The following JPH3 variants were observed in gnomAD, a reference collection of about 807,000 sequenced individuals.
The protein encoded by JPH3 is junctophilin 3, also known as junctophilin-3.
JPH3 carries 11 observed loss-of-function variants against 59.6 expected under a neutral mutation model. The ratio of observed to expected loss-of-function variants is 0.18; its 90% CI spans 0.12 to 0.31. The LOEUF is 0.31. JPH3 is among the 10% of genes least tolerant of loss of function. The pLI, the probability that JPH3 is intolerant of heterozygous loss-of-function variation, is 1.00. For synonymous variants in JPH3, 673 were observed against 483.6 expected (o/e 1.39, Z -5.14); for missense variants, 1,202 against 1,105.7 (o/e 1.09, Z -1.24).
chr16:87,622,102 G>C (rs115334381), intron 1 of JPH3, among the ~76,000 whole-genome samples: 1 of 151,206 alleles, frequency 6.6e-6, no homozygotes, highest in Non-Finnish European at 1.5e-5. Context: ...CAGGTGTCAG[G>C]GGGGGGCCCC....
At chr16:87,625,299 C>T (rs1597243114) in intron 1 of JPH3, among the ~76,000 whole-genome samples, 1 of 152,132 alleles carries the variant, frequency 6.6e-6, no homozygotes, top group African/African-American at 2.4e-5. Flanking sequence ...AGCACACAGT[C>T]GGTGCTGGGC....
At chr16:87,665,113 G>C (rs1051288918) in intron 2 of JPH3, among the ~76,000 whole-genome samples, 1 of 152,130 alleles carries the variant, frequency 6.6e-6, no homozygotes, top group South Asian at 2.1e-4. Context: ...TCCAGGGAGG[G>C]AGGTCATGAG....
At chr16:87,629,074 G>C (rs193194705) in intron 1 of JPH3, among the ~76,000 whole-genome samples, 42 of 152,090 alleles carry the variant, frequency 2.8e-4, no homozygotes, top group Admixed American at 1.3e-4. Flanking sequence ...CTGTGGGGGG[G>C]GCCCAGGTCT....
chr16:87,670,426 A>T (rs1023295061), intron 2 of JPH3, among the ~76,000 whole-genome samples: 3 of 152,088 alleles, frequency 2.0e-5, no homozygotes, highest in African/African-American at 7.2e-5. Context: ...TGGACTTGCC[A>T]CCGATTATTC....
In JPH3 at chr16:87,690,494, G is replaced by A. The variant is rs748839170; in HGVS notation, c.2134G>A (p.Glu712Lys). Residue 712 changes from glutamate to lysine, a missense_variant, in exon 4 of 5, where the codon GAG (glutamate) becomes AAG (lysine). By Grantham distance (56) the Glu-to-Lys change is moderately conservative. Transcript: ENST00000284262. The stretch of plus-strand genomic sequence containing the variant: ...CTTGCCTGTCGCTCTAGAGTCCGAC[G>A]AGGAGAATGGGGATGAGCTCAAGTC... Reference protein sequence around the residue: ...KSLPVALESDEENGDELKSST... With the variant: ...KSLPVALESDKENGDELKSST... 14 of 1,485,464 alleles carry A rather than the reference G, an allele frequency of 9.4e-6. No homozygotes were observed. The Admixed American group carries it at 2.7e-4, about 29-fold the overall frequency. The allele number at this position is 1,485,464 out of a possible 1,614,324, so 92.0% of individuals were successfully genotyped here.
At chr16:87,614,881 CGCGCGTCCCCTCCCGGG>C (rs2030894091) in intron 1 of JPH3, among the ~76,000 whole-genome samples, 6 of 112,858 alleles carry the variant, frequency 5.3e-5, no homozygotes, top group African/African-American at 1.4e-4. Context: ...CACGAGGAGC[CGCGCGTCCCCTCCCGGG>C]ATAAACGCTG....
At chr16:87,659,387 GA>G (rs751075403) in intron 2 of JPH3, among the ~76,000 whole-genome samples, 6 of 68,596 alleles carry the variant, frequency 8.7e-5, no homozygotes, top group Non-Finnish European at 8.9e-5. Context: ...AAAAAAAAAA[GA>G]AAAAAAAAAA....
chr16:87,604,414 C>G (rs1241319019), intron 1 of JPH3: 10 of 1,408,176 alleles, frequency 7.1e-6, no homozygotes, highest in Admixed American at 6.4e-5. Flanking sequence ...CCTCAGTGCA[C>G]CTGACACGCA....
Position 87,690,097 on chromosome 16 carries a change from C to T in JPH3, c.1737C>T (p.Pro579=), listed in dbSNP as rs1238029036. ...PKPRERRTES[P]PVFTWTSHHR... is the part of the protein sequence containing the mutation. ...CGCGGGAGCGGCGGACGGAGTCACC[C>T]CCCGTGTTCACGTGGACTTCCCACC... Residue 579 remains proline (P), a synonymous_variant, in exon 4 of 5, where the codon CCC becomes CCT. Coordinates refer to ENST00000284262, the MANE Select transcript of JPH3 (RefSeq NM_020655.4). 3 of 1,574,018 alleles carry T rather than the reference C, an allele frequency of 1.9e-6. No homozygotes were observed. The highest frequency in any genetic ancestry group is 3.6e-5 in the Admixed American group (2 of 55,786).
intron 1 of JPH3, among the ~76,000 whole-genome samples, chr16:87,608,688 C>G (rs1271703427): frequency 6.6e-6 from 1 of 152,220 alleles, no homozygotes; most frequent in African/African-American, 2.4e-5. Context: ...AACCATCTCT[C>G]CTTGCCAGTG....
intron 2 of JPH3, among the ~76,000 whole-genome samples, chr16:87,660,490 A>G (rs544341339): frequency 6.6e-6 from 1 of 152,032 alleles, no homozygotes; most frequent in South Asian, 2.1e-4. Flanking sequence ...GCCCACCCCC[A>G]CCAGAGGCCA....
At chr16:87,651,321 C>T (rs1344346101) in intron 2 of JPH3, among the ~76,000 whole-genome samples, 1 of 152,252 alleles carries the variant, frequency 6.6e-6, no homozygotes, top group Non-Finnish European at 1.5e-5. Context: ...GCTAACATAA[C>T]ATCCAGCATG....
chr16:87,670,670 G>A (rs531327709), intron 2 of JPH3, among the ~76,000 whole-genome samples: 4 of 152,250 alleles, frequency 2.6e-5, no homozygotes, highest in Non-Finnish European at 5.9e-5. Flanking sequence ...GCACAGCCCC[G>A]GTCCTCAGGG....
At chr16:87,608,663 A>C (rs187752158) in intron 1 of JPH3, among the ~76,000 whole-genome samples, 16 of 152,282 alleles carry the variant, frequency 1.1e-4, no homozygotes, top group African/African-American at 3.8e-4. Flanking sequence ...CGCTCTAGGC[A>C]TCCTCTTCAA....
chr16:87,672,148 TG>T (rs1422522052), intron 2 of JPH3, among the ~76,000 whole-genome samples: 1 of 150,128 alleles, frequency 6.7e-6, no homozygotes, highest in Admixed American at 6.6e-5. Context: ...GGGAGAAGAG[TG>T]GGGCACTGAG....
chr16:87,678,040 C>T (rs1486472103), intron 2 of JPH3, among the ~76,000 whole-genome samples: 1 of 151,580 alleles, frequency 6.6e-6, no homozygotes, highest in East Asian at 2.0e-4. Context: ...ATGCTTGAGG[C>T]CATGAGTTCG....
At chr16:87,637,327 G>A (rs969133842) in intron 1 of JPH3, among the ~76,000 whole-genome samples, 1 of 152,096 alleles carries the variant, frequency 6.6e-6, no homozygotes, top group Admixed American at 6.6e-5. Flanking sequence ...CCTGTGAGCA[G>A]CCATTCCTGC....
At position 87,690,067 on chromosome 16, in the gene JPH3, C is replaced by T. The variant is rs533405611; in HGVS notation, c.1707C>T (p.Pro569=). 1 of 1,578,642 alleles carries T rather than the reference C, an allele frequency of 6.3e-7. No homozygotes were observed. Among genetic ancestry groups the T allele is most frequent in the Non-Finnish European group, 8.6e-7 (1 of 1,162,058 alleles). The change falls in exon 4 of 5, where the codon CCC becomes CCT. Residue 569 remains proline, a synonymous_variant. Coordinates refer to ENST00000284262, the MANE Select transcript of JPH3 (RefSeq NM_020655.4). ...RGSGRKQPGN[P]KPRERRTESP... is the part of the protein sequence containing the mutation. The stretch of plus-strand genomic sequence containing the variant: ...CGGGCCGCAAGCAGCCCGGGAACCC[C>T]AAGCCGCGGGAGCGGCGGACGGAGT...
intron 2 of JPH3, among the ~76,000 whole-genome samples, chr16:87,664,629 A>C (rs1226445361): frequency 1.3e-5 from 2 of 152,188 alleles, no homozygotes; most frequent in Non-Finnish European, 2.9e-5. Flanking sequence ...CCGTCGCAAA[A>C]AATAGTAATA....
Sources: allele counts gnomAD v4.1 joint callset (sites outside exome capture counted in the v4.1 genomes callset), GRCh38; gene constraint gnomAD v4.1.1; transcripts MANE v1.5; gene names NCBI Gene and HGNC (gene_info 2026-07-23, HGNC 2026-07-21).